TEPSIN: variants seen among roughly 807,000 people sequenced by gnomAD.
TEPSIN encodes the protein TEPSIN adaptor related protein complex 4 accessory protein.
A neutral mutation model predicts 48.5 loss-of-function variants in TEPSIN; 50 were observed. The ratio of observed to expected loss-of-function variants is 1.03; its 90% CI spans 0.82 to 1.31. TEPSIN has a LOEUF of 1.31. Among genes scored for constraint, TEPSIN ranks in the 50% most tolerant of loss-of-function variants. TEPSIN has a pLI of 0.00. For synonymous variants in TEPSIN, 392 were observed against 358.8 expected (o/e 1.09, Z -1.05); for missense variants, 838 against 815.9 (o/e 1.03, Z -0.33).
chr17:81,238,802 T>C, intron 1 of TEPSIN, 184 bp downstream of exon 1: 1 of 1,322,950 alleles, frequency 7.6e-7, no homozygotes, highest in Non-Finnish European at 9.6e-7. Flanking sequence ...AGGCCCGGCT[T>C]GGAAGGCCCC....
chr17:81,230,212 G>C lies in TEPSIN; in HGVS notation c.1233+332C>G, dbSNP rs1282492877. On this transcript the variant is annotated intron_variant, in intron 12 of 12. Coordinates refer to ENST00000637944, the MANE Select transcript of TEPSIN (RefSeq NM_001363764.2). The surrounding 1 kb of genome is among the most constrained non-coding windows in gnomAD (Gnocchi z 4.2). The stretch of plus-strand genomic sequence containing the variant: ...CTGTGTCATGGGTGGCAAACTGCAT[G>C]TGCAGTCAGGGAGGGCTTCCTGGAA... The C allele has an allele frequency of 8.9e-6, 3 of 335,454 alleles. No homozygotes were observed. The highest frequency in any genetic ancestry group is 6.6e-5 in the African/African-American group (3 of 45,730). The allele number at this position is 335,454 out of a possible 1,614,324, so 20.8% of individuals were successfully genotyped here.
rs938281223 is a variant in TEPSIN, at chr17:81,230,864, C to T, written c.1099-186G>A. The T allele has an allele frequency of 5.7e-6, 4 of 698,642 alleles. No individual in the cohort carries two copies. In the African/African-American group the frequency reaches 8.6e-5, roughly 15 times the overall value. The allele number at this position is 698,642 out of a possible 1,614,324, so 43.3% of individuals were successfully genotyped here. On this transcript the variant is annotated intron_variant, in intron 11 of 12. Transcript: ENST00000637944. This position sits in a 1 kb window ranked among gnomAD's most constrained non-coding sequence, Gnocchi z 4.2. ...ACACCCCGGATCCCAGACACCACAG[C>T]CCTGTCCTCACCACCTTACACCCCC...
At chr17:81,237,643 C>T (rs1372268908) in intron 1 of TEPSIN, 184 bp from the exon 2 acceptor site, 5 of 651,250 alleles carry the variant, frequency 7.7e-6, no homozygotes, top group Non-Finnish European at 1.0e-5. Flanking sequence ...CCTCTCTCAA[C>T]AGTCAGGGAT....
At chr17:81,229,864 C>T (rs542487287) in intron 12 of TEPSIN, 39 of 268,478 alleles carry the variant, frequency 1.5e-4, no homozygotes, top group African/African-American at 8.7e-4. Context: ...GTTTTAGAAA[C>T]CCCACTATGA....
Position 81,234,116 on chromosome 17 carries a change from G to A in TEPSIN, c.308-68C>T. 7.0e-7 allele frequency: 1 copy of A among 1,421,658 alleles called. No homozygotes were observed. The highest frequency in any genetic ancestry group is 9.3e-7 in the Non-Finnish European group (1 of 1,071,958). The allele number at this position is 1,421,658 out of a possible 1,614,324, so 88.1% of individuals were successfully genotyped here. On this transcript the variant is annotated intron_variant, in intron 4 of 12. Transcript: ENST00000637944. The surrounding 1 kb of genome is among the most constrained non-coding windows in gnomAD (Gnocchi z 5.4). ...GCACCGCTGCTCCCTGTGGAGCACG[G>A]TGCCCTGGGCCCACTCCAGGGTGGC...
rs73356088 is a variant in TEPSIN, at chr17:81,239,051, G to A, written c.-18C>T. ...GCAGCCATGATCCAGGTCCCCTCCCGGTCTGCCCCGCTTCCGCCAGGCCCG... is the reference window on the plus strand; with the variant it reads ...GCAGCCATGATCCAGGTCCCCTCCCAGTCTGCCCCGCTTCCGCCAGGCCCG... On this transcript the variant is annotated 5_prime_UTR_variant, in exon 1 of 13. Transcript: ENST00000637944. 8.1e-6 allele frequency: 12 copies of A among 1,486,356 alleles called. 1 individual carries two copies. The highest frequency in any genetic ancestry group is 6.4e-5 in the South Asian group (5 of 78,078). 92.1% of individuals were successfully genotyped at this position (1,486,356 alleles called of 1,614,324 possible).
Position 81,228,908 on chromosome 17 carries a change from T to G in TEPSIN, c.*20A>C, listed in dbSNP as rs752024722. The stretch of plus-strand genomic sequence containing the variant: ...CCAGACAGCAGCTGAAGCTGAAGAC[T>G]CCAGGGCCAGGCCATCGGGTCAGGC... On this transcript the variant is annotated 3_prime_UTR_variant, in exon 13 of 13. Coordinates refer to ENST00000637944, the MANE Select transcript of TEPSIN (RefSeq NM_001363764.2). 6.2e-7 allele frequency: 1 copy of G among 1,611,838 alleles called. No individual in the cohort carries two copies. Among genetic ancestry groups the G allele is most frequent in the Non-Finnish European group, 8.5e-7 (1 of 1,179,906 alleles).
chr17:81,237,149 T>A lies in TEPSIN; in HGVS notation c.122-78A>T, dbSNP rs890398317. The A allele has an allele frequency of 2.8e-6, 4 of 1,443,730 alleles. No individual in the cohort carries two copies. In the African/African-American group the frequency reaches 5.7e-5, roughly 20 times the overall value. The allele number at this position is 1,443,730 out of a possible 1,614,324, so 89.4% of individuals were successfully genotyped here. A position where few individuals can be genotyped will look rare whatever the true frequency, so the allele number is the denominator to read the frequency against. On this transcript the variant is annotated intron_variant, in intron 2 of 12. Transcript: ENST00000637944. ...CGCAGGGAGACCAGGCCATGGGGCC[T>A]CTCAGTTCACGCTCCCTGGAGGCGC...
rs2146833832 is a variant in TEPSIN, at chr17:81,232,360, G to A, written c.685C>T (p.Pro229Ser). The A allele has an allele frequency of 2.4e-5, 37 of 1,535,422 alleles. No homozygotes were observed. Among genetic ancestry groups the A allele is most frequent in the Non-Finnish European group, 2.8e-5 (32 of 1,146,384 alleles). ...AMMPSASHGPPTLGNLLPGAI... is the reference protein window; with the variant it reads ...AMMPSASHGPSTLGNLLPGAI... ...CCGGGGAGTAGGTTCCCCAGGGTTG[G>A]GGGACCGTGGCTGGCTGAAGGCATC... The change falls in exon 8 of 13, where the codon CCA (proline) becomes TCA (serine). Residue 229 changes from proline (P) to serine (S), a missense_variant. By Grantham distance (74) the Pro-to-Ser change is moderately conservative. Transcript: ENST00000637944.
intron 11 of TEPSIN, 61 bp downstream of exon 11, chr17:81,231,337 A>G (rs2062602201): frequency 1.5e-5 from 21 of 1,387,328 alleles, no homozygotes; most frequent in South Asian, 8.3e-5. Flanking sequence ...ACGCACACGC[A>G]CACACACGCA....
rs553598437 is a variant in TEPSIN at position 81,230,571 on chromosome 17, C to T, written c.1206G>A (p.Pro402=). The change falls in exon 12 of 13, where the codon CCG becomes CCA. Residue 402 remains proline (P), a synonymous_variant. Coordinates refer to ENST00000637944, the MANE Select transcript of TEPSIN (RefSeq NM_001363764.2). This position sits in a 1 kb window ranked among gnomAD's most constrained non-coding sequence, Gnocchi z 4.2. The part of the protein sequence containing the change: ...PWLQELSMGS[P]GPVTNKATKI... ...TGGTGGCCTTGTTGGTCACAGGTCC[C>T]GGGCTGCCCATGCTGAGCTCCTGCA... The T allele has an allele frequency of 2.9e-5, 46 of 1,611,800 alleles. No homozygotes were observed. Among genetic ancestry groups the T allele is most frequent in the East Asian group, 1.6e-4 (7 of 44,812 alleles).
chr17:81,231,142 G>C (rs2062592615), intron 11 of TEPSIN: 1 of 565,456 alleles, frequency 1.8e-6, no homozygotes, highest in South Asian at 2.2e-5. Context: ...CACACACACA[G>C]ATGTGTGCAT....
rs772180669 is a variant in TEPSIN, at chr17:81,229,233, TG to T, written c.1476del (p.Ile493PhefsTer99). On this transcript the variant is annotated frameshift_variant, in exon 13 of 13. Coordinates refer to ENST00000637944, the MANE Select transcript of TEPSIN (RefSeq NM_001363764.2). LOFTEE classifies it low-confidence loss of function (END_TRUNC). ...PVPTPPPDAS[P>X]IPAPGDPSEA... ...TCGCTGGGGTCTCCGGGGGCTGGAA[TG>T]GGGGAGGCATCTGGGGGTGGGGTGG... 3.7e-6 allele frequency: 2 copies of T among 546,582 alleles called. No homozygotes were observed. Among genetic ancestry groups the T allele is most frequent in the Admixed American group, 1.3e-4 (2 of 15,544 alleles). The allele number at this position is 546,582 out of a possible 1,614,324, so 33.9% of individuals were successfully genotyped here.
rs11655759 is a variant in TEPSIN, at chr17:81,231,936, G to T, written c.816C>A (p.Ser272Arg). Residue 272 changes from serine to arginine, a missense_variant, in exon 9 of 13, where the codon AGC becomes AGA. By Grantham distance (110) the Ser-to-Arg change is moderately radical. Transcript: ENST00000637944. The part of the protein sequence containing the change: ...GPSSQNSSQN[S>R]DLSRVSDSGS... ...CCGAGTCCGAGACCCTGCTCAGGTC[G>T]CTGTTCTGGGAGGAATTCTGAGAGC... 3.7e-6 allele frequency: 6 copies of T among 1,613,336 alleles called. No homozygotes were observed. The highest frequency in any genetic ancestry group is 5.1e-6 in the Non-Finnish European group (6 of 1,179,954).
chr17:81,228,418 GAAGGA>G lies in TEPSIN; in HGVS notation c.*505_*509del. 14 of 185,168 alleles carry G rather than the reference GAAGGA, an allele frequency of 7.6e-5. No individual in the cohort carries two copies. Among genetic ancestry groups the G allele is most frequent in the Non-Finnish European group, 1.2e-4 (11 of 90,068 alleles). The allele number at this position is 185,168 out of a possible 1,614,324, so 11.5% of individuals were successfully genotyped here. A position where few individuals can be genotyped will look rare whatever the true frequency, so the allele number is the denominator to read the frequency against. ...CCTAAAGGAGCAGGTGAGAGCCAGG[GAAGGA>G]TCACGTAGGGATCTGAGACTTGAAA... On this transcript the variant is annotated 3_prime_UTR_variant, in exon 13 of 13. Transcript: ENST00000637944.
intron 4 of TEPSIN, among the ~76,000 whole-genome samples, chr17:81,235,781 C>T (rs1273239420): frequency 6.6e-6 from 1 of 152,342 alleles, no homozygotes; most frequent in South Asian, 2.1e-4. Flanking sequence ...AGAGCACCCC[C>T]GCACTGCCGT....
At position 81,237,569 on chromosome 17, in the gene TEPSIN, C is replaced by T. The variant is rs572972335; in HGVS notation, c.49-110G>A. On this transcript the variant is annotated intron_variant, in intron 1 of 12. Coordinates refer to ENST00000637944, the MANE Select transcript of TEPSIN (RefSeq NM_001363764.2). The stretch of plus-strand genomic sequence containing the variant: ...GACCCACCTCTCACTGTTGACATGG[C>T]CGGAGAGAGGACTGGGAAGGGATGA... The T allele has an allele frequency of 6.1e-6, 7 of 1,141,568 alleles. No homozygotes were observed. In the East Asian group the frequency reaches 1.8e-4, roughly 29 times the overall value. 70.7% of individuals were successfully genotyped at this position (1,141,568 alleles called of 1,614,324 possible). A position where few individuals can be genotyped will look rare whatever the true frequency, so the allele number is the denominator to read the frequency against.
chr17:81,238,832 G>T (rs1447708109), intron 1 of TEPSIN, 154 bp downstream of exon 1: 1 of 1,333,628 alleles, frequency 7.5e-7, no homozygotes, highest in South Asian at 1.9e-5. Flanking sequence ...CGGCGGGCGG[G>T]CAGCTCAGGG....
rs759280424 is a variant in TEPSIN at position 81,233,546 on chromosome 17, C to T, written c.455-43G>A. The T allele has an allele frequency of 8.3e-6, 13 of 1,565,080 alleles. No individual in the cohort carries two copies. The highest frequency in any genetic ancestry group is 3.6e-5 in the South Asian group (3 of 84,122). On this transcript the variant is annotated intron_variant, in intron 6 of 12. Coordinates refer to ENST00000637944, the MANE Select transcript of TEPSIN (RefSeq NM_001363764.2). The surrounding 1 kb of genome is among the most constrained non-coding windows in gnomAD (Gnocchi z 5.8). ...TTAGCAGCAAGCCGGCCCCCACCCTCGGCCCTGCCCACGGATGGCACAGAC... is the reference window on the plus strand; with the variant it reads ...TTAGCAGCAAGCCGGCCCCCACCCTTGGCCCTGCCCACGGATGGCACAGAC...
Sources: gnomAD v4.1 joint callset for allele counts (sites outside exome capture counted in the v4.1 genomes callset) on GRCh38, gnomAD v4.1.1 for gene constraint, Gnocchi (gnomAD v3.1) non-coding constraint, MANE v1.5 for transcripts, NCBI Gene and HGNC (gene_info 2026-07-23, HGNC 2026-07-21) for gene names.